CD83: variants seen among roughly 807,000 people sequenced by gnomAD.
CD83 encodes CD83 molecule.
Under a neutral mutation model 24.6 loss-of-function variants are expected in CD83, and 22 were observed. That is an observed-to-expected ratio of 0.90 (90% CI 0.64 to 1.28). The LOEUF (loss-of-function observed/expected upper bound fraction) is 1.28. Ranked by LOEUF, CD83 falls within the 50% of genes most tolerant of loss-of-function variation. CD83 has a pLI of 0.00. For synonymous variants in CD83, 101 were observed against 103.5 expected, an observed-to-expected ratio of 0.98 and a Z score of 0.14; for missense variants, 253 against 252.8, an observed-to-expected ratio of 1.00 and a Z score of -0.01.
chr6:14,120,932 A>G (rs1219643749), intron 2 of CD83, among the ~76,000 whole-genome samples: 1 of 152,170 alleles, frequency 6.6e-6, no homozygotes, highest in East Asian at 1.9e-4. Context: ...GATGGGCTAG[A>G]GGGGACTTAA....
intron 2 of CD83, among the ~76,000 whole-genome samples, chr6:14,130,166 C>A (rs1757853329): frequency 6.6e-6 from 1 of 152,080 alleles, no homozygotes; most frequent in Non-Finnish European, 1.5e-5. Flanking sequence ...CCCCAGCCAA[C>A]CAGCAAAGGG....
At chr6:14,134,046 C>G (rs1202909215) in intron 4 of CD83, among the ~76,000 whole-genome samples, 1 of 152,162 alleles carries the variant, frequency 6.6e-6, no homozygotes, top group Non-Finnish European at 1.5e-5. Context: ...AGCAGAGGCC[C>G]TGTAGGCGCA....
At chr6:14,118,327 C>T (rs555592921) in intron 2 of CD83, among the ~76,000 whole-genome samples, 1 of 121,116 alleles carries the variant, frequency 8.3e-6, no homozygotes, top group African/African-American at 3.3e-5. Flanking sequence ...GAATGATCCA[C>T]TTAAGATGTT....
rs747435522 is a variant in CD83, at chr6:14,119,246, T to A, written c.153+1181T>A. Among the ~76,000 whole-genome samples, 100 of 152,236 alleles carry A rather than the reference T, an allele frequency of 6.6e-4. 1 individual carries two copies. Among genetic ancestry groups the A allele is most frequent in the Non-Finnish European group, 2.1e-4 (14 of 68,042 alleles). On this transcript the variant is annotated intron_variant, in intron 2 of 4. Transcript: ENST00000379153. ...CATGAGTTATGCATGACGGGGATGG[T>A]GCTGCTGCCTCAGAGCATTGTATTG...
At chr6:14,123,387 C>T (rs1015413743) in intron 2 of CD83, among the ~76,000 whole-genome samples, 1 of 152,266 alleles carries the variant, frequency 6.6e-6, no homozygotes, top group East Asian at 1.9e-4. Flanking sequence ...GCGTAAGCCA[C>T]CACGCCCGGC....
At chr6:14,128,831 TCTAACCG>T (rs1759882109) in intron 2 of CD83, among the ~76,000 whole-genome samples, 1 of 152,190 alleles carries the variant, frequency 6.6e-6, no homozygotes, top group Non-Finnish European at 1.5e-5. Context: ...CCCTTGGAAA[TCTAACCG>T]TCAAATAAAT....
chr6:14,135,180 A>C lies in CD83; in HGVS notation c.562A>C (p.Thr188Pro), dbSNP rs930230956. 2.5e-6 allele frequency: 4 copies of C among 1,613,820 alleles called. No individual in the cohort carries two copies. Among genetic ancestry groups the C allele is most frequent in the Non-Finnish European group, 3.4e-6 (4 of 1,179,874 alleles). ...CATGGAACGAGCTTTTCTCCCAGTT[A>C]CCTCCCCAAATAAGCATTTAGGGCT... ...AGMERAFLPV[T>P]SPNKHLGLVT... The change falls in exon 5 of 5, where the codon ACC (threonine) becomes CCC (proline). Residue 188 changes from threonine (T) to proline (P), a missense_variant. Thr to Pro is a conservative substitution (Grantham distance 38, BLOSUM62 -1). Transcript: ENST00000379153.
chr6:14,135,742 T>G lies in CD83; in HGVS notation c.*506T>G, dbSNP rs1001127342. 1 of 153,188 alleles carries G rather than the reference T, an allele frequency of 6.5e-6. No individual in the cohort carries two copies. Among genetic ancestry groups the G allele is most frequent in the Non-Finnish European group, 1.5e-5 (1 of 68,700 alleles). The allele number at this position is 153,188 out of a possible 1,614,324, so 9.5% of individuals were successfully genotyped here. A position where few individuals can be genotyped will look rare whatever the true frequency, so the allele number is the denominator to read the frequency against. ...GGGAAATATTTAGCAAATAATTTCCTGGTGTGAAGGTCCTGCTATTACTAA... is the reference window on the plus strand; with the variant it reads ...GGGAAATATTTAGCAAATAATTTCCGGGTGTGAAGGTCCTGCTATTACTAA... On this transcript the variant is annotated 3_prime_UTR_variant, in exon 5 of 5. Coordinates refer to ENST00000379153, the MANE Select transcript of CD83 (RefSeq NM_004233.4).
chr6:14,125,719 A>G (rs776888035), intron 2 of CD83, among the ~76,000 whole-genome samples: 2 of 152,238 alleles, frequency 1.3e-5, no homozygotes, highest in Non-Finnish European at 2.9e-5. Flanking sequence ...GATGATTGGC[A>G]TGAACAATGA....
chr6:14,117,730 C>T (rs998238661), upstream of CD83: 1 of 1,066,538 alleles, frequency 9.4e-7, no homozygotes, highest in African/African-American at 1.7e-5. The surrounding 1 kb of genome is among the most constrained non-coding windows in gnomAD (Gnocchi z 4.6). Flanking sequence ...AGGGAAGTTC[C>T]CGAACGCGCG....
Position 14,135,167 on chromosome 6 carries a change from T to C in CD83, c.549T>C (p.Ala183=), listed in dbSNP as rs1758019305. The C allele has an allele frequency of 1.2e-6, 2 of 1,614,128 alleles. No individual in the cohort carries two copies. Among genetic ancestry groups the C allele is most frequent in the Non-Finnish European group, 1.7e-6 (2 of 1,179,956 alleles). ...TTTCTAAAGCTGGCATGGAACGAGC[T>C]TTTCTCCCAGTTACCTCCCCAAATA... is the stretch of plus-strand genomic sequence containing the variant. ...PDFSKAGMER[A]FLPVTSPNKH... The change falls in exon 5 of 5, where the codon GCT becomes GCC. Residue 183 remains alanine, a synonymous_variant. Coordinates refer to ENST00000379153, the MANE Select transcript of CD83 (RefSeq NM_004233.4).
intron 4 of CD83, 122 bp from the exon 5 acceptor site, chr6:14,134,974 CGAGTGAGGCAGT>C: frequency 1.3e-6 from 1 of 771,574 alleles, no homozygotes; most frequent in Non-Finnish European, 2.1e-6. Flanking sequence ...CCTTGTGGAG[CGAGTGAGGCAGT>C]GAGTATGAGA....
At position 14,117,988 on chromosome 6, in the gene CD83, G is replaced by C. The variant is rs1759576772; in HGVS notation, c.76G>C (p.Ala26Pro). ...TCCCGCGACGCCGGAGGTGAAGGTG[G>C]CTTGCTCCGAAGATGTGGACTTGCC... ...LAPATPEVKV[A>P]CSEDVDLPCT... is the part of the protein sequence containing the mutation. The change falls in exon 2 of 5, where the codon GCT (alanine) becomes CCT (proline). Residue 26 changes from alanine (A) to proline (P), a missense_variant. Transcript: ENST00000379153. This position sits in a 1 kb window ranked among gnomAD's most constrained non-coding sequence, Gnocchi z 4.6. 6.2e-7 allele frequency: 1 copy of C among 1,611,132 alleles called. No homozygotes were observed. The highest frequency in any genetic ancestry group is 1.7e-5 in the Admixed American group (1 of 59,760).
chr6:14,134,457 A>G (rs1757996564), intron 4 of CD83, among the ~76,000 whole-genome samples: 1 of 152,138 alleles, frequency 6.6e-6, no homozygotes, highest in Non-Finnish European at 1.5e-5. Flanking sequence ...TGACCCCTCT[A>G]GGAAGTGATC....
In CD83 at chr6:14,117,979, G is replaced by GTGAA. The variant is rs1182436672; in HGVS notation, c.68_71dup (p.Lys24AsnfsTer35). 1 of 1,610,732 alleles carries GTGAA rather than the reference G, an allele frequency of 6.2e-7. No individual in the cohort carries two copies. The highest frequency in any genetic ancestry group is 1.3e-5 in the African/African-American group (1 of 74,808). On this transcript the variant is annotated frameshift_variant, in exon 2 of 5. Coordinates refer to ENST00000379153, the MANE Select transcript of CD83 (RefSeq NM_004233.4). LOFTEE classifies it high-confidence loss of function. This position sits in a 1 kb window ranked among gnomAD's most constrained non-coding sequence, Gnocchi z 4.6. ...CAGCCTGGCTCCCGCGACGCCGGAG[G>GTGAA]TGAAGGTGGCTTGCTCCGAAGATGT...
Position 14,135,177 on chromosome 6 carries a change from G to A in CD83, c.559G>A (p.Val187Ile), listed in dbSNP as rs1758019507. The A allele has an allele frequency of 6.2e-7, 1 of 1,614,096 alleles. No individual in the cohort carries two copies. Among genetic ancestry groups the A allele is most frequent in the Non-Finnish European group, 8.5e-7 (1 of 1,179,978 alleles). ...TGGCATGGAACGAGCTTTTCTCCCA[G>A]TTACCTCCCCAAATAAGCATTTAGG... ...KAGMERAFLP[V>I]TSPNKHLGLV... The change falls in exon 5 of 5, where the codon GTT becomes ATT. Residue 187 changes from valine to isoleucine, a missense_variant. Physicochemically the swap from Val to Ile is conservative, Grantham distance 29. Coordinates refer to ENST00000379153, the MANE Select transcript of CD83 (RefSeq NM_004233.4).
intron 2 of CD83, among the ~76,000 whole-genome samples, chr6:14,118,460 G>A (rs1251803487): frequency 6.6e-6 from 1 of 152,186 alleles, no homozygotes; most frequent in Non-Finnish European, 1.5e-5. Context: ...AATGTCTCCA[G>A]ACTTCTGATT....
intron 4 of CD83, among the ~76,000 whole-genome samples, chr6:14,134,544 A>G (rs1409122340): frequency 6.6e-6 from 1 of 152,226 alleles, no homozygotes; most frequent in African/African-American, 2.4e-5. Context: ...GAGCTACCCC[A>G]GGACTGGTTC....
At chr6:14,125,326 A>T (rs1581329077) in intron 2 of CD83, among the ~76,000 whole-genome samples, 1 of 152,174 alleles carries the variant, frequency 6.6e-6, no homozygotes, top group African/African-American at 2.4e-5. Flanking sequence ...TCTGTGTCCA[A>T]CCTCTACATA....
Sources: allele counts gnomAD v4.1 joint callset (sites outside exome capture counted in the v4.1 genomes callset), GRCh38; gene constraint gnomAD v4.1.1; non-coding constraint Gnocchi (gnomAD v3.1); transcripts MANE v1.5; gene names NCBI Gene and HGNC (gene_info 2026-07-23, HGNC 2026-07-21).